SHC2: variants seen among roughly 807,000 people sequenced by gnomAD.
The protein encoded by SHC2 is SHC adaptor protein 2, also known as SHC-transforming protein 2.
Under a neutral mutation model 60.6 loss-of-function variants are expected in SHC2, and 62 were observed. That is an observed-to-expected ratio of 1.02 (90% CI 0.83 to 1.26). SHC2 has a LOEUF of 1.26. SHC2 is among the 50% of genes most tolerant of loss of function. The pLI is 0.00. For missense variants in SHC2, 873 were observed against 822.2 expected (o/e 1.06, Z -0.76); for synonymous variants, 375 against 372.4 (o/e 1.01, Z -0.08).
intron 1 of SHC2, among the ~76,000 whole-genome samples, chr19:456,615 C>G (rs1227825532): frequency 6.6e-6 from 1 of 152,200 alleles, no homozygotes; most frequent in African/African-American, 2.4e-5. Flanking sequence ...GTCCCGCTCC[C>G]TCTCCATCAG....
chr19:439,193 A>G (rs73507734), intron 2 of SHC2, 163 bp from the exon 3 acceptor site: 32,661 of 142,824 alleles, frequency 0.23, 6,516 homozygotes, highest in African/African-American at 0.57. Context: ...GTGGGAGAGG[A>G]TCAGGGGGCC....
chr19:456,847 C>T (rs113100452), intron 1 of SHC2, among the ~76,000 whole-genome samples: 1,169 of 84,656 alleles, frequency 0.014, 9 homozygotes, highest in African/African-American at 0.051. Flanking sequence ...ACTCTGTCTG[C>T]AATCCCCACC....
At position 421,597 on chromosome 19, in the gene SHC2, T is replaced by C. The variant is rs76953766; in HGVS notation, c.1620+549A>G. On this transcript the variant is annotated intron_variant, in intron 11 of 12. Coordinates refer to ENST00000264554, the MANE Select transcript of SHC2 (RefSeq NM_012435.3). ...ATTTATCCCTCAGATACATCACCAT[T>C]TGTAAGGTGCATAAGTCATGATAAA... Among the ~76,000 whole-genome samples the C allele has an allele frequency of 4.9e-3, 746 of 152,128 alleles. 6 individuals carry two copies. Among genetic ancestry groups the C allele is most frequent in the African/African-American group, 0.017 (717 of 41,494 alleles).
rs992794060 is a variant in SHC2 at position 438,385 on chromosome 19, C to T, written c.720+333G>A. Reference sequence around the variant, plus strand: ...AGGACTGATAGCCAGGGTTTATCCCCGCCCCTCCCCAGGCACTGTGGATGT... The same window carrying T: ...AGGACTGATAGCCAGGGTTTATCCCTGCCCCTCCCCAGGCACTGTGGATGT... On this transcript the variant is annotated intron_variant, in intron 4 of 12. Transcript: ENST00000264554. The surrounding 1 kb of genome is among the most constrained non-coding windows in gnomAD (Gnocchi z 5.0). Among the ~76,000 whole-genome samples the T allele has an allele frequency of 2.0e-5, 3 of 152,230 alleles. No homozygotes were observed. Among genetic ancestry groups the T allele is most frequent in the African/African-American group, 7.2e-5 (3 of 41,460 alleles).
intron 1 of SHC2, among the ~76,000 whole-genome samples, chr19:459,329 C>T (rs928664141): frequency 8.7e-5 from 10 of 114,946 alleles, no homozygotes; most frequent in East Asian, 4.9e-4. Context: ...CTGAACCCAG[C>T]GTAGGGGGAA....
At chr19:429,044 G>C (rs1974494530) in intron 9 of SHC2, among the ~76,000 whole-genome samples, 1 of 150,124 alleles carries the variant, frequency 6.7e-6, no homozygotes, top group South Asian at 2.1e-4. Flanking sequence ...GGATGACGCA[G>C]TACCTATATC....
rs114379393 is a variant in SHC2 at position 454,050 on chromosome 19, C to G, written c.468+6479G>C. 5.8e-3 allele frequency among the ~76,000 whole-genome samples: 881 copies of G among 152,320 alleles called. 8 individuals carry two copies. The highest frequency in any genetic ancestry group is 0.02 in the African/African-American group (841 of 41,570). ...TCTTTCTCAACAGAGACATCTTGCT[C>G]AGATCTACGCCTTCGGGTGAAGCCC... On this transcript the variant is annotated intron_variant, in intron 1 of 12. Transcript: ENST00000264554.
chr19:421,623 T>TG (rs550577583), intron 11 of SHC2, among the ~76,000 whole-genome samples: 55 of 151,474 alleles, frequency 3.6e-4, no homozygotes, highest in Non-Finnish European at 4.6e-4. Flanking sequence ...TCATGATAAA[T>TG]GGGGGGGGAG....
chr19:418,803 C>T, intron 12 of SHC2, 120 bp downstream of exon 12: 2 of 1,161,230 alleles, frequency 1.7e-6, no homozygotes, highest in Non-Finnish European at 2.4e-6. Flanking sequence ...ATGCTGAACA[C>T]CCCTGAGTCG....
intron 8 of SHC2, 94 bp from the exon 9 acceptor site, chr19:430,841 C>T (rs1317064318): frequency 1.7e-6 from 2 of 1,184,170 alleles, no homozygotes; most frequent in Non-Finnish European, 2.4e-6. Flanking sequence ...TCTTAGATGG[C>T]TGGAGACTTA....
chr19:460,468 A>G (rs1600339125), intron 1 of SHC2, 61 bp downstream of exon 1: 1 of 596,804 alleles, frequency 1.7e-6, no homozygotes. Flanking sequence ...GTCCCGGAGG[A>G]GAGGGTGGGG....
intron 9 of SHC2, among the ~76,000 whole-genome samples, chr19:429,886 A>G (rs987707640): frequency 6.7e-6 from 1 of 149,902 alleles, no homozygotes. Flanking sequence ...CAGTACCTAT[A>G]TCCAACGTGC....
rs1197168214 is a variant in SHC2 at position 424,368 on chromosome 19, G to T, written c.1309+729C>A. On this transcript the variant is annotated intron_variant, in intron 10 of 12. Transcript: ENST00000264554. This position sits in a 1 kb window ranked among gnomAD's most constrained non-coding sequence, Gnocchi z 4.5. ...GGCGTTCCTTCAAGCAGGAAGCTGT[G>T]CCTCCCCCATCAGGCCGGGATTTCC... Among the ~76,000 whole-genome samples the T allele has an allele frequency of 6.6e-6, 1 of 152,172 alleles. No individual in the cohort carries two copies. The highest frequency in any genetic ancestry group is 1.9e-4 in the East Asian group (1 of 5,180).
intron 1 of SHC2, among the ~76,000 whole-genome samples, chr19:444,562 G>C (rs550408542): frequency 6.6e-6 from 1 of 152,306 alleles, no homozygotes; most frequent in South Asian, 2.1e-4. Flanking sequence ...GCCCACGGCA[G>C]CTCACGAGAG....
chr19:428,949 CCT>C (rs1568284335), intron 9 of SHC2, among the ~76,000 whole-genome samples: 5 of 151,154 alleles, frequency 3.3e-5, no homozygotes, highest in Admixed American at 3.3e-4. Flanking sequence ...TGACGCAGTA[CCT>C]ATACCCAACG....
Position 436,439 on chromosome 19 carries a change from CG to C in SHC2, c.775-9del. 6.2e-7 allele frequency: 1 copy of C among 1,601,450 alleles called. No individual in the cohort carries two copies. On this transcript the variant is annotated splice_polypyrimidine_tract_variant and intron_variant, in intron 5 of 12. Transcript: ENST00000264554. ...CACGTAATCCGTCATGTCCTGGGGG[CG>C]GGGAGGGGCCAGCTGGACCTGCCTG...
intron 1 of SHC2, among the ~76,000 whole-genome samples, chr19:443,020 T>C (rs1600307156): frequency 1.1e-5 from 1 of 93,300 alleles, no homozygotes; most frequent in Non-Finnish European, 2.1e-5. Flanking sequence ...GATGAATGGG[T>C]GGGTGGGTGG....
rs903840747 is a variant in SHC2, at chr19:440,133, C to T, written c.539+729G>A. 1.5e-5 allele frequency among the ~76,000 whole-genome samples: 2 copies of T among 130,050 alleles called. No individual in the cohort carries two copies. Among genetic ancestry groups the T allele is most frequent in the South Asian group, 2.6e-4 (1 of 3,782 alleles). The allele number at this position is 130,050 out of a possible 152,430, so 85.3% of individuals were successfully genotyped here. On this transcript the variant is annotated intron_variant, in intron 2 of 12. Transcript: ENST00000264554. The surrounding 1 kb of genome is among the most constrained non-coding windows in gnomAD (Gnocchi z 7.0). The stretch of plus-strand genomic sequence containing the variant: ...ACGCCAGACACACGAGGCCACGCAG[C>T]GTGTGATCCCATTGCTATGAAATGT...
At chr19:430,644 A>C in intron 9 of SHC2, 40 bp downstream of exon 9, 1 of 1,575,422 alleles carries the variant, frequency 6.3e-7, no homozygotes. Context: ...GGAGCCCCAG[A>C]ATCCTCGTGG....
Sources: gnomAD v4.1 joint callset for allele counts (sites outside exome capture counted in the v4.1 genomes callset) on GRCh38, gnomAD v4.1.1 for gene constraint, Gnocchi (gnomAD v3.1) non-coding constraint, MANE v1.5 for transcripts, NCBI Gene and HGNC (gene_info 2026-07-23, HGNC 2026-07-21) for gene names.